The following AKAP6 variants were observed in gnomAD, a reference collection of about 807,000 sequenced individuals.
AKAP6 encodes the protein A-kinase anchor protein 6.
A neutral mutation model predicts 188.5 loss-of-function variants in AKAP6; 58 were observed. The observed-to-expected ratio is 0.31, with a 90% confidence interval of 0.25 to 0.38. The LOEUF is 0.38. Ranked by LOEUF, AKAP6 falls within the 10% of genes least tolerant of loss-of-function variation. AKAP6 has a pLI of 1.00. For missense variants in AKAP6, 2,710 were observed against 2,740.0 expected, an observed-to-expected ratio of 0.99 and a Z score of 0.24; for synonymous variants, 989 against 998.6, an observed-to-expected ratio of 0.99 and a Z score of 0.18.
intron 7 of AKAP6, among the ~76,000 whole-genome samples, chr14:32,604,403 C>T (rs745596471): frequency 2.0e-5 from 3 of 152,160 alleles, no homozygotes; most frequent in Non-Finnish European, 2.9e-5. Flanking sequence ...AAAATGAACT[C>T]ATCCATACTC....
rs2034855932 is a variant in AKAP6 at position 32,834,582 on chromosome 14, TACTCTA to T, written c.*4778_*4783del. ...ATCTTGCATAGTTTCCCTGTGCTTT[TACTCTA>T]TTTTTCTTTGGGCTTTTATAACATC... On this transcript the variant is annotated 3_prime_UTR_variant, in exon 14 of 14. Transcript: ENST00000280979. 7.5e-5 allele frequency: 11 copies of T among 146,690 alleles called. No homozygotes were observed. The highest frequency in any genetic ancestry group is 2.0e-4 in the East Asian group (1 of 5,024). The allele number at this position is 146,690 out of a possible 1,614,324, so 9.1% of individuals were successfully genotyped here. A position where few individuals can be genotyped will look rare whatever the true frequency, so the allele number is the denominator to read the frequency against.
At position 32,353,336 on chromosome 14, in the gene AKAP6, G is replaced by A. The variant is rs1203340059; in HGVS notation, c.-35+23928G>A. ...CCAGCACTTTGGGAAGCCGAGGTGGGCAGACATGAGGTCAGGAGATCGAAA... is the reference window on the plus strand; with the variant it reads ...CCAGCACTTTGGGAAGCCGAGGTGGACAGACATGAGGTCAGGAGATCGAAA... On this transcript the variant is annotated intron_variant, in intron 1 of 13. Coordinates refer to ENST00000280979, the MANE Select transcript of AKAP6 (RefSeq NM_004274.5). Among the ~76,000 whole-genome samples the A allele has an allele frequency of 4.6e-5, 7 of 152,228 alleles. No individual in the cohort carries two copies. The South Asian group carries it at 1.5e-3, about 32-fold the overall frequency.
intron 2 of AKAP6, among the ~76,000 whole-genome samples, chr14:32,502,344 A>G (rs769150357): frequency 3.9e-5 from 6 of 152,168 alleles, no homozygotes; most frequent in Non-Finnish European, 8.8e-5. Flanking sequence ...ATTACTGATT[A>G]TAACACAAGT....
At chr14:32,356,936 C>T (rs1024079999) in intron 1 of AKAP6, among the ~76,000 whole-genome samples, 2 of 151,986 alleles carry the variant, frequency 1.3e-5, no homozygotes, top group African/African-American at 4.8e-5. Context: ...CTTCTTCATT[C>T]CCATGCTTGC....
rs369009839 is a variant in AKAP6, at chr14:32,823,179, G to A, written c.5366G>A (p.Cys1789Tyr). Reference protein sequence around the residue: ...IATDDEIYEDCTLMSGLDYIK... With the variant: ...IATDDEIYEDYTLMSGLDYIK... The stretch of plus-strand genomic sequence containing the variant: ...ACAGATGATGAAATTTATGAAGACT[G>A]CACCTTGATGTCAGGGCTAGACTAC... Residue 1789 changes from cysteine (C) to tyrosine (Y), a missense_variant, in exon 13 of 14, where the codon TGC (cysteine) becomes TAC (tyrosine). This residue lies in a region of AKAP6 where 2,473 missense variants were observed against 2,426.1 expected (regional missense o/e 1.02). Coordinates refer to ENST00000280979, the MANE Select transcript of AKAP6 (RefSeq NM_004274.5). 22 of 1,613,574 alleles carry A rather than the reference G, an allele frequency of 1.4e-5. No individual in the cohort carries two copies. The highest frequency in any genetic ancestry group is 5.0e-5 in the Admixed American group (3 of 59,900).
chr14:32,798,631 A>G (rs1022726552), intron 12 of AKAP6, among the ~76,000 whole-genome samples: 3 of 152,192 alleles, frequency 2.0e-5, no homozygotes, highest in Admixed American at 1.3e-4. Flanking sequence ...ACAGAAAACC[A>G]CATACCACAA....
At chr14:32,472,227 C>A (rs1878820502) in intron 2 of AKAP6, among the ~76,000 whole-genome samples, 2 of 152,078 alleles carry the variant, frequency 1.3e-5, no homozygotes, top group African/African-American at 4.8e-5. Context: ...AGGCTTTATA[C>A]CTCCTCCCAT....
intron 9 of AKAP6, among the ~76,000 whole-genome samples, chr14:32,705,416 C>T (rs775600098): frequency 6.6e-6 from 1 of 152,062 alleles, no homozygotes; most frequent in Non-Finnish European, 1.5e-5. Context: ...TCTTCTTCAA[C>T]ATTTGATAAA....
Position 32,687,913 on chromosome 14 carries a change from G to T in AKAP6, c.2880-8077G>T, listed in dbSNP as rs139004940. 2.1e-3 allele frequency among the ~76,000 whole-genome samples: 327 copies of T among 152,144 alleles called. 9 individuals carry two copies. In the East Asian group the frequency reaches 0.053, roughly 25 times the overall value. On this transcript the variant is annotated intron_variant, in intron 8 of 13. Coordinates refer to ENST00000280979, the MANE Select transcript of AKAP6 (RefSeq NM_004274.5). ...ACAAAAAAATCTTACCAGTAGAAAT[G>T]TATTCACTTGGGTCATGATATTATT...
At chr14:32,660,252 A>G (rs760344628) in intron 7 of AKAP6, among the ~76,000 whole-genome samples, 19 of 152,146 alleles carry the variant, frequency 1.2e-4, no homozygotes, top group Non-Finnish European at 2.8e-4. Flanking sequence ...AGATGTGCAT[A>G]TCAGACTTTC....
At chr14:32,550,136 GTT>G (rs1883388829) in intron 4 of AKAP6, among the ~76,000 whole-genome samples, 1 of 152,240 alleles carries the variant, frequency 6.6e-6, no homozygotes, top group Non-Finnish European at 1.5e-5. Context: ...GTAAAGAGAT[GTT>G]TTAACCCGAT....
In AKAP6 at chr14:32,524,643, A is replaced by T. The variant is rs537893532; in HGVS notation, c.325-10911A>T. 3.3e-5 allele frequency among the ~76,000 whole-genome samples: 5 copies of T among 152,302 alleles called. No homozygotes were observed. The South Asian group carries it at 6.2e-4, about 19-fold the overall frequency. ...CTATCAGTACTGGGTAAATAAAGTT[A>T]TGGAATGTTGTTTTCTGGCGCACAA... On this transcript the variant is annotated intron_variant, in intron 2 of 13. Transcript: ENST00000280979.
chr14:32,589,466 G>A (rs1404465453), intron 5 of AKAP6, among the ~76,000 whole-genome samples: 5 of 152,188 alleles, frequency 3.3e-5, no homozygotes, highest in Admixed American at 2.6e-4. Context: ...TGTGGGAATG[G>A]TAGCGTAGGA....
intron 8 of AKAP6, among the ~76,000 whole-genome samples, chr14:32,685,084 C>A (rs897173608): frequency 1.8e-4 from 20 of 113,594 alleles, no homozygotes; most frequent in Non-Finnish European, 2.2e-4. Context: ...AGTAAGACCC[C>A]CCCCTACCAA....
rs2138914901 is a variant in AKAP6 at position 32,484,391 on chromosome 14, G to A, written c.324+50574G>A. On this transcript the variant is annotated intron_variant, in intron 2 of 13. Coordinates refer to ENST00000280979, the MANE Select transcript of AKAP6 (RefSeq NM_004274.5). Reference sequence around the variant, plus strand: ...TAGATCTACGGAAGCTCCAGGGTGGGAGTAGTTCCCTGCTAAGGGAGGGTA... The same window carrying A: ...TAGATCTACGGAAGCTCCAGGGTGGAAGTAGTTCCCTGCTAAGGGAGGGTA... 2 of 155,954 alleles carry A rather than the reference G, an allele frequency of 1.3e-5. 1 individual carries two copies. Among genetic ancestry groups the A allele is most frequent in the South Asian group, 1.3e-3 (2 of 1,522 alleles). The allele number at this position is 155,954 out of a possible 1,614,324, so 9.7% of individuals were successfully genotyped here. A position where few individuals can be genotyped will look rare whatever the true frequency, so the allele number is the denominator to read the frequency against.
intron 1 of AKAP6, among the ~76,000 whole-genome samples, chr14:32,396,363 T>C (rs926078167): frequency 6.6e-6 from 1 of 152,148 alleles, no homozygotes; most frequent in Non-Finnish European, 1.5e-5. Flanking sequence ...CTCATTAACT[T>C]TGGGGTTGTC....
chr14:32,460,129 G>A (rs2138816990), intron 2 of AKAP6, among the ~76,000 whole-genome samples: 1 of 152,230 alleles, frequency 6.6e-6, no homozygotes, highest in South Asian at 2.1e-4. Flanking sequence ...AGGAGAATTG[G>A]ACAGAGAGAG....
At position 32,453,219 on chromosome 14, in the gene AKAP6, A is replaced by G. The variant is rs140930068; in HGVS notation, c.324+19402A>G. Among the ~76,000 whole-genome samples the G allele has an allele frequency of 2.0e-5, 3 of 152,174 alleles. No homozygotes were observed. In the East Asian group the frequency reaches 5.8e-4, roughly 29 times the overall value. ...ATTGGGTAACATATCATCCAGCTCC[A>G]CTCCTCATTCTACAGATGAGAAAGC... On this transcript the variant is annotated intron_variant, in intron 2 of 13. Transcript: ENST00000280979.
intron 5 of AKAP6, among the ~76,000 whole-genome samples, chr14:32,597,065 T>A (rs530036774): frequency 6.6e-6 from 1 of 152,332 alleles, no homozygotes; most frequent in East Asian, 1.9e-4. Context: ...TATCAGATTA[T>A]CTTTTTCCTA....
Sources: gnomAD v4.1 joint callset for allele counts (sites outside exome capture counted in the v4.1 genomes callset) on GRCh38, gnomAD v4.1.1 for gene constraint, gnomAD v4.1.1 regional missense constraint, MANE v1.5 for transcripts, NCBI Gene and HGNC (gene_info 2026-07-23, HGNC 2026-07-21) for gene names.